The following DCAF6 variants were observed in gnomAD, a reference collection of about 807,000 sequenced individuals.
DCAF6 encodes DDB1 and CUL4 associated factor 6.
DCAF6 carries 54 observed loss-of-function variants against 125.1 expected under a neutral mutation model. The ratio of observed to expected loss-of-function variants is 0.43; its 90% confidence interval spans 0.35 to 0.54. The LOEUF (loss-of-function observed/expected upper bound fraction) is 0.54, where lower values mean the gene tolerates loss of function less well. Among genes scored for constraint, DCAF6 ranks in the 20% least tolerant of loss-of-function variants. The pLI, the probability that DCAF6 is intolerant of heterozygous loss-of-function variation, is 0.01. For synonymous variants in DCAF6, 371 were observed against 390.4 expected, an observed-to-expected ratio of 0.95 and a Z score of 0.58; for missense variants, 934 against 1,161.7, an observed-to-expected ratio of 0.80 and a Z score of 2.85.
chr1:168,044,540 C>T (rs1193256003), intron 14 of DCAF6, 45 bp from the exon 15 acceptor site: 1 of 1,400,098 alleles, frequency 7.1e-7, no homozygotes, highest in Admixed American at 1.7e-5. Flanking sequence ...TAGAACTAAT[C>T]CCTCATGGAT....
intron 2 of DCAF6, among the ~76,000 whole-genome samples, chr1:167,962,198 C>T (rs577133365): frequency 6.6e-5 from 10 of 151,938 alleles, no homozygotes; most frequent in Non-Finnish European, 1.2e-4. Flanking sequence ...TATAAATGTC[C>T]GTTATATTCA....
chr1:167,966,567 A>G, intron 2 of DCAF6, 62 bp from the exon 3 acceptor site: 1 of 1,087,292 alleles, frequency 9.2e-7, no homozygotes, highest in Non-Finnish European at 1.4e-6. Context: ...CAGGTGAGTG[A>G]AAGATGGCAT....
At chr1:168,014,761 A>G (rs1474966211) in intron 10 of DCAF6, among the ~76,000 whole-genome samples, 2 of 152,088 alleles carry the variant, frequency 1.3e-5, no homozygotes, top group African/African-American at 4.8e-5. Context: ...CCCCTTGAGT[A>G]TTTGCACTTG....
intron 4 of DCAF6, among the ~76,000 whole-genome samples, chr1:167,980,044 G>C (rs1678870094): frequency 6.6e-6 from 1 of 151,924 alleles, no homozygotes; most frequent in Non-Finnish European, 1.5e-5. Flanking sequence ...AGCTGGATGT[G>C]GTGGCATGTG....
chr1:167,899,538 C>T, the DCAF6 span: 5 of 1,614,224 alleles, frequency 3.1e-6, no homozygotes, highest in African/African-American at 4.0e-5. Context: ...CTGGGCAAGG[C>T]GCACATCGTC....
At position 168,072,098 on chromosome 1, in the gene DCAF6, C is replaced by T. The variant is rs183997959; in HGVS notation, c.2792-3273C>T. ...AGATCACGAGGTCAGGAGATTGAGACCAGCCTGGCCAACATGGTGAAATCC... is the reference window on the plus strand; with the variant it reads ...AGATCACGAGGTCAGGAGATTGAGATCAGCCTGGCCAACATGGTGAAATCC... On this transcript the variant is annotated intron_variant, in intron 21 of 21. Coordinates refer to ENST00000367840, the MANE Select transcript of DCAF6 (RefSeq NM_001198956.2). Among the ~76,000 whole-genome samples the T allele has an allele frequency of 3.2e-4, 49 of 151,776 alleles. No homozygotes were observed. In the Middle Eastern group the frequency reaches 0.01, roughly 32 times the overall value.
intron 21 of DCAF6, among the ~76,000 whole-genome samples, chr1:168,070,636 A>G (rs922609923): frequency 6.6e-6 from 1 of 152,210 alleles, no homozygotes; most frequent in African/African-American, 2.4e-5. Context: ...CTGGATAGAG[A>G]TTAAGCGTCT....
intron 17 of DCAF6, chr1:168,056,100 G>T: frequency 6.3e-7 from 1 of 1,594,060 alleles, no homozygotes; most frequent in Admixed American, 1.7e-5. Flanking sequence ...TTCACTAGCA[G>T]CTTTCACACT....
intron 3 of DCAF6, among the ~76,000 whole-genome samples, chr1:167,970,839 T>G (rs1677198365): frequency 6.6e-6 from 1 of 152,214 alleles, no homozygotes; most frequent in Non-Finnish European, 1.5e-5. Context: ...AAAATAGATT[T>G]AAGAGACTGG....
At chr1:168,007,917 G>A (rs1683565260) in intron 10 of DCAF6, among the ~76,000 whole-genome samples, 1 of 135,078 alleles carries the variant, frequency 7.4e-6, no homozygotes, top group Non-Finnish European at 1.6e-5. Context: ...TATGCCTGAT[G>A]TCTGACTGCT....
At chr1:167,989,413 T>G (rs1680510214) in intron 5 of DCAF6, among the ~76,000 whole-genome samples, 1 of 152,166 alleles carries the variant, frequency 6.6e-6, no homozygotes, top group Non-Finnish European at 1.5e-5. Context: ...AACTTTTCCT[T>G]TATGTATAAA....
chr1:167,969,965 T>TG lies in DCAF6; in HGVS notation c.252+3248dup, dbSNP rs545921806. ...CTAGTTTTTGTATTTTTTGTAGAGT[T>TG]GGGGTTTCACCATGTTGGCCAGGCT... On this transcript the variant is annotated intron_variant, in intron 3 of 21. Coordinates refer to ENST00000367840, the MANE Select transcript of DCAF6 (RefSeq NM_001198956.2). 2.9e-4 allele frequency among the ~76,000 whole-genome samples: 44 copies of TG among 152,186 alleles called. No homozygotes were observed. In the East Asian group the frequency reaches 4.5e-3, roughly 15 times the overall value.
chr1:168,014,120 AAT>A (rs1276660825), intron 10 of DCAF6, among the ~76,000 whole-genome samples: 5 of 152,120 alleles, frequency 3.3e-5, no homozygotes, highest in African/African-American at 7.2e-5. Flanking sequence ...TTGTACAAAG[AAT>A]ATATATACTT....
chr1:168,015,167 C>T (rs1007754826), intron 10 of DCAF6, among the ~76,000 whole-genome samples: 1 of 152,208 alleles, frequency 6.6e-6, no homozygotes, highest in East Asian at 1.9e-4. Flanking sequence ...TGTTATTTTT[C>T]TACTTTTCAT....
In DCAF6 at chr1:167,936,693, G is replaced by A. The variant is rs1035300285; in HGVS notation, c.-219G>A. 3 of 527,024 alleles carry A rather than the reference G, an allele frequency of 5.7e-6. No individual in the cohort carries two copies. Among genetic ancestry groups the A allele is most frequent in the Non-Finnish European group, 1.0e-5 (3 of 296,892 alleles). The allele number at this position is 527,024 out of a possible 1,614,324, so 32.6% of individuals were successfully genotyped here. ...CTGTTGCTGATCTTTGGATGTTCTGGTTAGTCTAAGAAGGAGAGTATGAGG... is the reference window on the plus strand; with the variant it reads ...CTGTTGCTGATCTTTGGATGTTCTGATTAGTCTAAGAAGGAGAGTATGAGG... On this transcript the variant is annotated 5_prime_UTR_variant, in exon 1 of 22. It introduces an in-frame stop codon into an upstream open reading frame of the 5' UTR. Coordinates refer to ENST00000367840, the MANE Select transcript of DCAF6 (RefSeq NM_001198956.2).
chr1:168,014,669 T>C (rs1571943918), intron 10 of DCAF6, among the ~76,000 whole-genome samples: 1 of 152,214 alleles, frequency 6.6e-6, no homozygotes, highest in Non-Finnish European at 1.5e-5. Context: ...GGCCAAAAAC[T>C]TTGGGATCAC....
chr1:167,911,972 G>A, the DCAF6 span, among the ~76,000 whole-genome samples: 1 of 152,150 alleles, frequency 6.6e-6, no homozygotes, highest in Non-Finnish European at 1.5e-5. Context: ...GGTTTAAAAG[G>A]CAGGGAGATC....
chr1:167,904,952 G>C, the DCAF6 span: 2 of 1,614,006 alleles, frequency 1.2e-6, no homozygotes, highest in Non-Finnish European at 1.7e-6. Flanking sequence ...ACGCGAGCCT[G>C]TTGCTCATCC....
the DCAF6 span, among the ~76,000 whole-genome samples, chr1:167,888,299 T>C: frequency 6.6e-6 from 1 of 152,170 alleles, no homozygotes; most frequent in East Asian, 1.9e-4. Flanking sequence ...ATTTTTTTTT[T>C]CTATTTCTGT....
Sources: allele counts gnomAD v4.1 joint callset (sites outside exome capture counted in the v4.1 genomes callset), GRCh38; gene constraint gnomAD v4.1.1; transcripts MANE v1.5; gene names NCBI Gene and HGNC (gene_info 2026-07-23, HGNC 2026-07-21).